PHKA2: variants seen among roughly 807,000 people sequenced by gnomAD.
PHKA2 encodes the protein phosphorylase b kinase regulatory subunit alpha, liver isoform.
A neutral mutation model predicts 102.0 loss-of-function variants in PHKA2; 31 were observed. That is an observed-to-expected ratio of 0.30 (90% CI 0.23 to 0.41). The LOEUF (loss-of-function observed/expected upper bound fraction) is 0.41. Among genes scored for constraint, PHKA2 ranks in the 10% least tolerant of loss-of-function variants. PHKA2 has a pLI of 1.00. For synonymous variants in PHKA2, 455 were observed against 416.2 expected (o/e 1.09, Z -1.13); for missense variants, 858 against 1,023.1 (o/e 0.84, Z 2.20).
At chrX:18,973,421 T>C (rs950408359) in intron 1 of PHKA2, among the ~76,000 whole-genome samples, 1 of 110,957 alleles carries the variant, frequency 9.0e-6, no homozygotes, top group Admixed American at 9.5e-5. Flanking sequence ...AATAGATTAA[T>C]AGATTTTATA....
At chrX:18,943,430 G>A (rs1365365269) in intron 7 of PHKA2, among the ~76,000 whole-genome samples, 1 of 112,348 alleles carries the variant, frequency 8.9e-6, no homozygotes, top group Non-Finnish European at 1.9e-5. Context: ...TTTGCCTCTT[G>A]CAAAACAAGG....
intron 31 of PHKA2, chrX:18,894,872 C>G: frequency 2.4e-6 from 1 of 424,980 alleles, no homozygotes; most frequent in South Asian, 3.5e-5. Flanking sequence ...TTTCTTTCAC[C>G]AGGGTTCTAA....
At position 18,941,594 on chromosome X, in the gene PHKA2, C is replaced by A; in HGVS notation, c.799G>T (p.Ala267Ser). 1.7e-6 allele frequency: 2 copies of A among 1,189,845 alleles called. No homozygotes were observed. The highest frequency in any genetic ancestry group is 2.3e-6 in the Non-Finnish European group (2 of 875,432). The change falls in exon 8 of 33, where the codon GCC becomes TCC. Residue 267 changes from alanine to serine, a missense_variant. By Grantham distance (99) the Ala-to-Ser change is moderately conservative. Around this residue, in one of 2 missense-constraint regions of PHKA2, gnomAD observed 187 missense variants for 277.9 expected, o/e 0.67. Transcript: ENST00000379942. ...AGLLSIISFPAFAVEDVNLVN... is the reference protein window; with the variant it reads ...AGLLSIISFPSFAVEDVNLVN... ...AGGTTTACATCTTCCACTGCAAAGG[C>A]CGGGAAGGAAATAATGGAAAGAAGT...
chrX:18,981,769 A>G (rs753920763), intron 1 of PHKA2, among the ~76,000 whole-genome samples: 41 of 111,416 alleles, frequency 3.7e-4, no homozygotes, highest in African/African-American at 1.3e-3. Context: ...TATCAAAATC[A>G]TAACACCACC....
At chrX:18,937,362 A>G (rs1190659041) in intron 10 of PHKA2, among the ~76,000 whole-genome samples, 1 of 111,397 alleles carries the variant, frequency 9.0e-6, no homozygotes, top group Non-Finnish European at 1.9e-5. Flanking sequence ...ATGTTTACTG[A>G]GCACATACTA....
intron 1 of PHKA2, among the ~76,000 whole-genome samples, chrX:18,979,814 T>C (rs1302437863): frequency 9.1e-6 from 1 of 110,482 alleles, no homozygotes; most frequent in Non-Finnish European, 1.9e-5. Context: ...TAATATTAAA[T>C]AATTTAATTA....
intron 1 of PHKA2, among the ~76,000 whole-genome samples, chrX:18,962,796 G>A (rs1395740244): frequency 8.9e-6 from 1 of 112,239 alleles, no homozygotes; most frequent in African/African-American, 3.2e-5. Context: ...AGGGAAATAA[G>A]AGCCTCACCA....
chrX:18,918,995 C>G, intron 18 of PHKA2, 141 bp from the exon 19 acceptor site: 1 of 537,812 alleles, frequency 1.9e-6, no homozygotes, highest in Non-Finnish European at 3.3e-6. Context: ...TGCACTCCCA[C>G]TCACCCCTGA....
intron 5 of PHKA2, 58 bp downstream of exon 5, chrX:18,948,686 A>G: frequency 1.2e-6 from 1 of 826,611 alleles, no homozygotes; most frequent in South Asian, 2.0e-5. Context: ...ACACTGTATG[A>G]TTTTTATTCT....
chrX:18,902,615 G>T (rs781121481), intron 26 of PHKA2, among the ~76,000 whole-genome samples: 43 of 109,273 alleles, frequency 3.9e-4, no homozygotes, highest in African/African-American at 1.4e-3. Context: ...AACAAAATTA[G>T]CTGGGCGTGG....
At chrX:18,954,984 G>A (rs1219775832) in intron 1 of PHKA2, among the ~76,000 whole-genome samples, 1 of 111,933 alleles carries the variant, frequency 8.9e-6, no homozygotes, top group East Asian at 2.8e-4. Context: ...TGATATCACG[G>A]GTATTTAAAA....
intron 1 of PHKA2, among the ~76,000 whole-genome samples, chrX:18,961,659 C>CAAA (rs1290808888): frequency 1.6e-4 from 4 of 24,884 alleles, no homozygotes; most frequent in African/African-American, 2.7e-4. Flanking sequence ...GACTCCATCT[C>CAAA]AAAAAAAAAA....
At chrX:18,916,443 A>T (rs1364367025) in intron 19 of PHKA2, among the ~76,000 whole-genome samples, 9 of 112,100 alleles carry the variant, frequency 8.0e-5, no homozygotes, top group Non-Finnish European at 1.7e-4. Flanking sequence ...TCAAACAATC[A>T]GAATGGGTTT....
At chrX:18,912,209 TAC>T (rs2047938601) in intron 19 of PHKA2, among the ~76,000 whole-genome samples, 1 of 112,044 alleles carries the variant, frequency 8.9e-6, no homozygotes. Context: ...CCACTAACAT[TAC>T]AGAAAATATA....
chrX:18,897,623 C>G, intron 29 of PHKA2: 1 of 351,973 alleles, frequency 2.8e-6, no homozygotes, highest in African/African-American at 2.6e-5. Context: ...CGAGCACGGG[C>G]TTGGGGGTCA....
chrX:18,919,779 T>G (rs2048085086), intron 18 of PHKA2, among the ~76,000 whole-genome samples: 1 of 103,571 alleles, frequency 9.7e-6, no homozygotes, highest in Non-Finnish European at 2.0e-5. Context: ...AGAAAAAAAG[T>G]CCCCATTCCT....
chrX:18,917,343 C>T (rs1708254640), intron 19 of PHKA2, among the ~76,000 whole-genome samples: 1 of 108,472 alleles, frequency 9.2e-6, no homozygotes, highest in South Asian at 4.2e-4. Flanking sequence ...ACTGCAACCT[C>T]TGCTTCCCGG....
At chrX:18,921,882 T>C (rs1011024763) in intron 17 of PHKA2, among the ~76,000 whole-genome samples, 4 of 112,632 alleles carry the variant, frequency 3.6e-5, no homozygotes, top group African/African-American at 1.3e-4. Flanking sequence ...AGACAACACA[T>C]TGAATACACG....
At chrX:18,915,896 A>G (rs1876366118) in intron 19 of PHKA2, among the ~76,000 whole-genome samples, 1 of 111,674 alleles carries the variant, frequency 9.0e-6, no homozygotes, top group African/African-American at 3.3e-5. Flanking sequence ...GAAAGAAAGA[A>G]CAGAGAAAAT....
Sources: gnomAD v4.1 joint callset for allele counts (sites outside exome capture counted in the v4.1 genomes callset) on GRCh38, gnomAD v4.1.1 for gene constraint, gnomAD v4.1.1 regional missense constraint, MANE v1.5 for transcripts, NCBI Gene and HGNC (gene_info 2026-07-23, HGNC 2026-07-21) for gene names.